SPO11: variants seen among roughly 807,000 people sequenced by gnomAD.
SPO11 encodes the protein SPO11 initiator of meiotic double strand breaks.
Under a neutral mutation model 51.6 loss-of-function variants are expected in SPO11, and 49 were observed. The ratio of observed to expected loss-of-function variants is 0.95; its 90% CI spans 0.75 to 1.20. The LOEUF is 1.20. Among genes scored for constraint, SPO11 ranks in the 50% most tolerant of loss-of-function variants. SPO11 has a pLI of 0.00. For missense variants in SPO11, 431 were observed against 473.4 expected (o/e 0.91, Z 0.83); for synonymous variants, 176 against 158.2 (o/e 1.11, Z -0.84).
At position 57,338,374 on chromosome 20, in the gene SPO11, T is replaced by C; in HGVS notation, c.843T>C (p.His281=). 2 of 1,590,880 alleles carry C rather than the reference T, an allele frequency of 1.3e-6. No homozygotes were observed. Among genetic ancestry groups the C allele is most frequent in the Non-Finnish European group, 1.7e-6 (2 of 1,159,398 alleles). The change falls in exon 9 of 13, where the codon CAT becomes CAC. Residue 281 remains histidine (H), a splice_region_variant and synonymous_variant. Transcript: ENST00000371263. ...TCACTCTTGTAGATGCTGATCCACA[T>C]GGTAATTTATCACTGGACTATTTAC... is the stretch of plus-strand genomic sequence containing the variant. ...PVFTLVDADP[H]GIEIMCIYKY... is the part of the protein sequence containing the mutation.
chr20:57,331,884 C>T lies in SPO11; in HGVS notation c.183C>T (p.Ser61=), dbSNP rs766893897. 6.2e-7 allele frequency: 1 copy of T among 1,607,950 alleles called. No homozygotes were observed. Among genetic ancestry groups the T allele is most frequent in the South Asian group, 1.1e-5 (1 of 89,610 alleles). The part of the protein sequence containing the change: ...IENIIQDIIT[S]LARNEAPAFT... Reference sequence around the variant, plus strand: ...ATATTATCCAAGACATAATCACAAGCTTGGCAAGAAATGAAGCACCTGCAT... The same window carrying T: ...ATATTATCCAAGACATAATCACAAGTTTGGCAAGAAATGAAGCACCTGCAT... Residue 61 remains serine, a synonymous_variant, in exon 2 of 13, where the codon AGC becomes AGT. Coordinates refer to ENST00000371263, the MANE Select transcript of SPO11 (RefSeq NM_012444.3).
chr20:57,343,327 AC>A lies in SPO11; in HGVS notation c.1072-13del. ...AAGAACTCTGGTATGAGTACATTTTACTTTTATTGACAGATGGAAATAATGG... is the reference window on the plus strand; with the variant it reads ...AAGAACTCTGGTATGAGTACATTTTATTTTATTGACAGATGGAAATAATGG... On this transcript the variant is annotated splice_polypyrimidine_tract_variant and intron_variant, in intron 12 of 12. Transcript: ENST00000371263. 1 of 1,603,916 alleles carries A rather than the reference AC, an allele frequency of 6.2e-7. No individual in the cohort carries two copies. Among genetic ancestry groups the A allele is most frequent in the African/African-American group, 1.3e-5 (1 of 74,386 alleles).
chr20:57,333,966 A>C (rs111908685), intron 4 of SPO11, 21 bp from the exon 5 acceptor site: 16 of 1,362,538 alleles, frequency 1.2e-5, no homozygotes, highest in Non-Finnish European at 1.3e-5. Context: ...AATTAAAAAT[A>C]TGTATTTTAA....
At chr20:57,341,500 G>A (rs2066581621) in intron 11 of SPO11, among the ~76,000 whole-genome samples, 1 of 152,156 alleles carries the variant, frequency 6.6e-6, no homozygotes, top group African/African-American at 2.4e-5. Context: ...GTTGTAATTG[G>A]TCAGTAAGAA....
In SPO11 at chr20:57,343,745, A is replaced by G. The variant is rs2066611718; in HGVS notation, c.*285A>G. 1 of 191,388 alleles carries G rather than the reference A, an allele frequency of 5.2e-6. No individual in the cohort carries two copies. Among genetic ancestry groups the G allele is most frequent in the Non-Finnish European group, 1.1e-5 (1 of 94,844 alleles). The allele number at this position is 191,388 out of a possible 1,614,324, so 11.9% of individuals were successfully genotyped here. On this transcript the variant is annotated 3_prime_UTR_variant, in exon 13 of 13. Coordinates refer to ENST00000371263, the MANE Select transcript of SPO11 (RefSeq NM_012444.3). ...CCTTTAAATTATTTTTGAAAAAATA[A>G]TATTTTATACATGTCATCAAAGTCT...
intron 11 of SPO11, among the ~76,000 whole-genome samples, chr20:57,340,721 C>T (rs1040608215): frequency 2.0e-5 from 3 of 151,844 alleles, no homozygotes; most frequent in East Asian, 1.9e-4. Flanking sequence ...GAGCCACGAT[C>T]GCACCACTGC....
intron 11 of SPO11, among the ~76,000 whole-genome samples, chr20:57,340,767 C>CA (rs945122539): frequency 1.2e-3 from 150 of 129,264 alleles, no homozygotes; most frequent in Admixed American, 2.0e-3. Context: ...ACTCTGTCTC[C>CA]AAAAAAAAAA....
chr20:57,334,062 C>T lies in SPO11; in HGVS notation c.477C>T (p.Cys159=), dbSNP rs141270656. 3 of 1,586,328 alleles carry T rather than the reference C, an allele frequency of 1.9e-6. No homozygotes were observed. The highest frequency in any genetic ancestry group is 1.3e-5 in the African/African-American group (1 of 74,276). The change falls in exon 5 of 13, where the codon TGC becomes TGT. Residue 159 remains cysteine (C), a synonymous_variant. Coordinates refer to ENST00000371263, the MANE Select transcript of SPO11 (RefSeq NM_012444.3). ...ACAATATTATCAATGACATTTCTTGCATGTTAAAAGTGTCAAGGAGGAGTC... is the reference window on the plus strand; with the variant it reads ...ACAATATTATCAATGACATTTCTTGTATGTTAAAAGTGTCAAGGAGGAGTC... The part of the protein sequence containing the change: ...VVDNIINDIS[C]MLKVSRRSLH...
At position 57,338,912 on chromosome 20, in the gene SPO11, A is replaced by G. The variant is rs996507191; in HGVS notation, c.845-77A>G. 3.4e-6 allele frequency: 3 copies of G among 890,932 alleles called. No homozygotes were observed. The African/African-American group carries it at 5.2e-5, about 16-fold the overall frequency. 55.2% of individuals were successfully genotyped at this position (890,932 alleles called of 1,614,324 possible). Reference sequence around the variant, plus strand: ...GATGTCCACAAAATTAAAATTATAGATAGATAAAATTTGAGAGTGCAAATT... The same window carrying G: ...GATGTCCACAAAATTAAAATTATAGGTAGATAAAATTTGAGAGTGCAAATT... On this transcript the variant is annotated intron_variant, in intron 9 of 12. Coordinates refer to ENST00000371263, the MANE Select transcript of SPO11 (RefSeq NM_012444.3).
chr20:57,340,427 T>C (rs1187877996), intron 11 of SPO11, among the ~76,000 whole-genome samples: 1 of 152,242 alleles, frequency 6.6e-6, no homozygotes, highest in East Asian at 1.9e-4. Context: ...GTTTTACTTT[T>C]ATGGTTAAGA....
intron 1 of SPO11, among the ~76,000 whole-genome samples, chr20:57,330,203 GC>G (rs1297815414): frequency 6.6e-6 from 1 of 152,172 alleles, no homozygotes; most frequent in Non-Finnish European, 1.5e-5. Context: ...CCAGGTGGCA[GC>G]CCCCCTTCTG....
chr20:57,338,402 C>A (rs566498132), intron 9 of SPO11, 27 bp downstream of exon 9: 4 of 1,377,906 alleles, frequency 2.9e-6, no homozygotes, highest in South Asian at 1.2e-5. Flanking sequence ...CTATTTACAA[C>A]AATAGTCATA....
Position 57,331,941 on chromosome 20 carries a change from C to CTT in SPO11, c.240_241insTT (p.Ile81LeufsTer2). 1 of 1,566,916 alleles carries CTT rather than the reference C, an allele frequency of 6.4e-7. No individual in the cohort carries two copies. The highest frequency in any genetic ancestry group is 8.7e-7 in the Non-Finnish European group (1 of 1,156,014). The stretch of plus-strand genomic sequence containing the variant: ...TAGACAACAGATCAAGCTGGGAAAA[C>CTT]ATAAAGTGGGCATTTTGCATTTTTA... On this transcript the variant is annotated frameshift_variant, in exon 2 of 13. Coordinates refer to ENST00000371263, the MANE Select transcript of SPO11 (RefSeq NM_012444.3). LOFTEE classifies it high-confidence loss of function.
At chr20:57,342,992 T>C in intron 12 of SPO11, 152 bp downstream of exon 12, 1 of 658,426 alleles carries the variant, frequency 1.5e-6, no homozygotes, top group Non-Finnish European at 2.7e-6. Flanking sequence ...GTTGTTGAAA[T>C]TGAGTCATAT....
intron 9 of SPO11, among the ~76,000 whole-genome samples, chr20:57,338,708 G>C (rs1212814695): frequency 6.6e-6 from 1 of 152,076 alleles, no homozygotes; most frequent in Non-Finnish European, 1.5e-5. Context: ...GCATCCCAAA[G>C]TGCTGGGATT....
intron 8 of SPO11, among the ~76,000 whole-genome samples, chr20:57,338,044 C>T (rs1286091291): frequency 6.6e-6 from 1 of 152,014 alleles, no homozygotes; most frequent in Non-Finnish European, 1.5e-5. Flanking sequence ...TGTACCACCA[C>T]ACCTGGCTAA....
intron 11 of SPO11, among the ~76,000 whole-genome samples, chr20:57,342,343 G>C (rs2066592587): frequency 6.6e-6 from 1 of 152,236 alleles, no homozygotes; most frequent in Non-Finnish European, 1.5e-5. Flanking sequence ...GGAGCTCACT[G>C]CCAGAAGAGT....
At chr20:57,340,896 GTA>G (rs1322165244) in intron 11 of SPO11, among the ~76,000 whole-genome samples, 1 of 152,090 alleles carries the variant, frequency 6.6e-6, no homozygotes, top group Non-Finnish European at 1.5e-5. Context: ...CATTTTAAGA[GTA>G]TTAAAATTTG....
intron 8 of SPO11, among the ~76,000 whole-genome samples, chr20:57,336,231 T>A (rs6092460): frequency 0.021 from 3,156 of 152,278 alleles, 124 homozygotes; most frequent in African/African-American, 0.072. Context: ...AAAAGCTGAG[T>A]GTTCCTGCCA....
Sources: gnomAD v4.1 joint callset for allele counts (sites outside exome capture counted in the v4.1 genomes callset) on GRCh38, gnomAD v4.1.1 for gene constraint, MANE v1.5 for transcripts, NCBI Gene and HGNC (gene_info 2026-07-23, HGNC 2026-07-21) for gene names.